Variants in HAUS6 observed in about 807,000 individuals in gnomAD.
HAUS6 encodes HAUS augmin like complex subunit 6.
A neutral mutation model predicts 106.8 loss-of-function variants in HAUS6; 80 were observed. The ratio of observed to expected loss-of-function variants is 0.75; its 90% confidence interval spans 0.63 to 0.90. HAUS6 has a LOEUF of 0.90. HAUS6 is among the 40% of genes least tolerant of loss of function. HAUS6 has a pLI of 0.00. For missense variants in HAUS6, 1,155 were observed against 1,118.1 expected, an observed-to-expected ratio of 1.03 and a Z score of -0.47; for synonymous variants, 356 against 379.1, an observed-to-expected ratio of 0.94 and a Z score of 0.71.
intron 5 of HAUS6, among the ~76,000 whole-genome samples, chr9:19,087,754 G>C (rs779696395): frequency 6.4e-5 from 9 of 141,356 alleles, no homozygotes; most frequent in Non-Finnish European, 9.0e-5. Context: ...ACAGTGGGAA[G>C]ATCACTTGAG....
At chr9:19,068,709 A>G (rs1321381591) in intron 12 of HAUS6, among the ~76,000 whole-genome samples, 1 of 138,802 alleles carries the variant, frequency 7.2e-6, no homozygotes, top group Non-Finnish European at 1.5e-5. Context: ...AGGTTAAAAA[A>G]CAATTAAAAA....
At chr9:19,091,215 G>A (rs1303217001) in intron 4 of HAUS6, among the ~76,000 whole-genome samples, 3 of 151,882 alleles carry the variant, frequency 2.0e-5, no homozygotes, top group Non-Finnish European at 2.9e-5. Flanking sequence ...CAGTAGAATC[G>A]CTTGAACCCG....
rs1268588415 is a variant in HAUS6, at chr9:19,102,858, C to T, written c.-207G>A. ...AGTTTCTAACGGTATAGTGCGGCCA[C>T]CACTGCCTCAGCGAAGCCACCACAA... On this transcript the variant is annotated 5_prime_UTR_variant, in exon 1 of 17. It adds an upstream start codon to the 5' untranslated region. Transcript: ENST00000380502. The T allele has an allele frequency of 8.7e-6, 4 of 461,854 alleles. No homozygotes were observed. Among genetic ancestry groups the T allele is most frequent in the Non-Finnish European group, 1.5e-5 (4 of 261,268 alleles). 28.6% of individuals were successfully genotyped at this position (461,854 alleles called of 1,614,324 possible).
At chr9:19,081,359 T>C (rs1837145761) in intron 8 of HAUS6, among the ~76,000 whole-genome samples, 4 of 152,178 alleles carry the variant, frequency 2.6e-5, no homozygotes, top group African/African-American at 9.6e-5. Context: ...AAAGGCTGTA[T>C]CTGTACTTAA....
intron 14 of HAUS6, among the ~76,000 whole-genome samples, chr9:19,061,403 C>T (rs1186094345): frequency 6.6e-6 from 1 of 152,068 alleles, no homozygotes; most frequent in African/African-American, 2.4e-5. Context: ...TGTGTTTTTC[C>T]TTTCAAAATT....
intron 16 of HAUS6, 64 bp from the exon 17 acceptor site, chr9:19,056,468 A>C: frequency 1.1e-6 from 1 of 874,280 alleles, no homozygotes; most frequent in Non-Finnish European, 1.9e-6. Context: ...ATAGATTCCA[A>C]GCAATAGCAA....
rs1836543055 is a variant in HAUS6 at position 19,058,870 on chromosome 9, C to A, written c.1897G>T (p.Glu633Ter). The change falls in exon 16 of 17, where the codon GAA (glutamate) becomes TAA (stop). Residue 633 changes from glutamate (E) to a stop codon, truncating the protein, a stop_gained. Coordinates refer to ENST00000380502, the MANE Select transcript of HAUS6 (RefSeq NM_017645.5). LOFTEE classifies it high-confidence loss of function. ...AAGAGAAAATCAGCCATGCTAAATT[C>A]TCTTTGATTGTGCAACACAGGTAAT... ...ESLPVLHNQR[E>*]FSMADFLLET... 1 of 1,613,610 alleles carries A rather than the reference C, an allele frequency of 6.2e-7. No individual in the cohort carries two copies. Among genetic ancestry groups the A allele is most frequent in the South Asian group, 1.1e-5 (1 of 91,078 alleles).
intron 5 of HAUS6, among the ~76,000 whole-genome samples, chr9:19,087,741 G>A (rs1442488803): frequency 6.7e-6 from 1 of 149,304 alleles, no homozygotes; most frequent in South Asian, 2.1e-4. Context: ...TGTACTCCCA[G>A]CTACAGTGGG....
At chr9:19,088,500 A>G (rs2131144452) in intron 5 of HAUS6, among the ~76,000 whole-genome samples, 1 of 152,310 alleles carries the variant, frequency 6.6e-6, no homozygotes, top group Admixed American at 6.5e-5. Context: ...GATACGAAAT[A>G]AAATAAACAC....
At chr9:19,089,345 G>C (rs1817696127) in intron 5 of HAUS6, 67 bp downstream of exon 5, 2 of 1,002,688 alleles carry the variant, frequency 2.0e-6, no homozygotes, top group African/African-American at 1.6e-5. Flanking sequence ...TATTTCTCCT[G>C]ACATTATATT....
At position 19,060,217 on chromosome 9, in the gene HAUS6, T is replaced by C. The variant is rs1336288456; in HGVS notation, c.1636A>G (p.Arg546Gly). The C allele has an allele frequency of 5.8e-6, 9 of 1,545,218 alleles. No individual in the cohort carries two copies. Among genetic ancestry groups the C allele is most frequent in the Non-Finnish European group, 7.8e-6 (9 of 1,151,580 alleles). ...TGTGGTGAATCAGATAAAACTGCTC[T>C]GGCAACCTAAAACAGAAAAGAAAAA... ...EQDHLVEEVA[R>G]AVLSDSPQLS... The change falls in exon 15 of 17, where the codon AGA becomes GGA. Residue 546 changes from arginine (R) to glycine (G), a missense_variant. By Grantham distance (125) the Arg-to-Gly change is moderately radical (BLOSUM62 -2). Around this residue, in one of 3 missense-constraint regions of HAUS6, gnomAD observed 761 missense variants for 690.0 expected, o/e 1.10. Transcript: ENST00000380502.
chr9:19,067,195 G>A (rs1458790598), intron 12 of HAUS6, among the ~76,000 whole-genome samples: 2 of 152,060 alleles, frequency 1.3e-5, no homozygotes, highest in East Asian at 3.8e-4. Flanking sequence ...CATTATTACT[G>A]ATAAAAGATG....
chr9:19,073,313 TA>T lies in HAUS6; in HGVS notation c.1295-3014del, dbSNP rs558033830. ...ATAATTCTAAAAAACATTTTTAAAGTAAATTAAGTAAGATGCAATATGTAAG... is the reference window on the plus strand; with the variant it reads ...ATAATTCTAAAAAACATTTTTAAAGTAATTAAGTAAGATGCAATATGTAAG... On this transcript the variant is annotated intron_variant, in intron 11 of 16. Transcript: ENST00000380502. Among the ~76,000 whole-genome samples, 632 of 151,930 alleles carry T rather than the reference TA, an allele frequency of 4.2e-3. 3 individuals carry two copies. Among genetic ancestry groups the T allele is most frequent in the African/African-American group, 0.015 (608 of 41,448 alleles).
At chr9:19,078,517 G>C (rs138269774) in intron 9 of HAUS6, among the ~76,000 whole-genome samples, 1 of 152,304 alleles carries the variant, frequency 6.6e-6, no homozygotes, top group Admixed American at 6.5e-5. Context: ...GCCGGGGGCA[G>C]TGTCTCATGC....
At chr9:19,063,644 G>A (rs1420982886) in intron 12 of HAUS6, 64 bp from the exon 13 acceptor site, 2 of 1,083,278 alleles carry the variant, frequency 1.8e-6, no homozygotes, top group African/African-American at 1.5e-5. Flanking sequence ...CCCTTTACGA[G>A]TCTATTCTAA....
Position 19,102,750 on chromosome 9 carries a change from G to A in HAUS6, c.-99C>T. The A allele has an allele frequency of 2.4e-6, 3 of 1,261,696 alleles. No homozygotes were observed. Among genetic ancestry groups the A allele is most frequent in the South Asian group, 1.5e-5 (1 of 67,582 alleles). The allele number at this position is 1,261,696 out of a possible 1,614,324, so 78.2% of individuals were successfully genotyped here. ...TCCCTACGGTCAGCCTGAGGTCGCG[G>A]TGGTCCTTCCATTGCCAACGCCTGC... On this transcript the variant is annotated 5_prime_UTR_variant, in exon 1 of 17. Transcript: ENST00000380502.
rs904873091 is a variant in HAUS6 at position 19,059,292 on chromosome 9, T to A, written c.1766-291A>T. On this transcript the variant is annotated intron_variant, in intron 15 of 16. Coordinates refer to ENST00000380502, the MANE Select transcript of HAUS6 (RefSeq NM_017645.5). The stretch of plus-strand genomic sequence containing the variant: ...TATTAAAAAGACCTTTTCTTGTCCA[T>A]CTAAGCCACAGTTTGGCAAACATTT... Among the ~76,000 whole-genome samples, 25 of 152,230 alleles carry A rather than the reference T, an allele frequency of 1.6e-4. 1 individual carries two copies. Among genetic ancestry groups the A allele is most frequent in the African/African-American group, 4.8e-4 (20 of 41,448 alleles).
intron 3 of HAUS6, among the ~76,000 whole-genome samples, chr9:19,093,782 T>A (rs1043117572): frequency 6.6e-6 from 1 of 152,108 alleles, no homozygotes; most frequent in Non-Finnish European, 1.5e-5. Flanking sequence ...GATGGGAGAA[T>A]CATTCGAACC....
In HAUS6 at chr9:19,074,196, G is replaced by A. The variant is rs184841733; in HGVS notation, c.1294+2406C>T. ...CGGGAGGCGAAGGTTGCAATGAGCCGAGATCGCACCACTGCACTCCAACCT... is the reference window on the plus strand; with the variant it reads ...CGGGAGGCGAAGGTTGCAATGAGCCAAGATCGCACCACTGCACTCCAACCT... On this transcript the variant is annotated intron_variant, in intron 11 of 16. Coordinates refer to ENST00000380502, the MANE Select transcript of HAUS6 (RefSeq NM_017645.5). Among the ~76,000 whole-genome samples, 36 of 151,950 alleles carry A rather than the reference G, an allele frequency of 2.4e-4. No homozygotes were observed. In the East Asian group the frequency reaches 6.6e-3, roughly 28 times the overall value.
Sources: gnomAD v4.1 joint callset for allele counts (sites outside exome capture counted in the v4.1 genomes callset) on GRCh38, gnomAD v4.1.1 for gene constraint, gnomAD v4.1.1 regional missense constraint, MANE v1.5 for transcripts, NCBI Gene and HGNC (gene_info 2026-07-23, HGNC 2026-07-21) for gene names.